ZFP62: variants seen among roughly 807,000 people sequenced by gnomAD.
The protein encoded by ZFP62 is ZFP62 zinc finger protein.
ZFP62 carries 44 observed loss-of-function variants against 56.4 expected under a neutral mutation model. That is an observed-to-expected ratio of 0.78 (90% CI 0.61 to 1.00). ZFP62 has a LOEUF of 1.00. Among genes scored for constraint, ZFP62 ranks in the 50% least tolerant of loss-of-function variants. The pLI is 0.00. For missense variants in ZFP62, 1,030 were observed against 1,085.7 expected, an observed-to-expected ratio of 0.95 and a Z score of 0.72; for synonymous variants, 421 against 388.9, an observed-to-expected ratio of 1.08 and a Z score of -0.97.
Position 180,848,941 on chromosome 5 carries a change from T to C in ZFP62, c.2554A>G (p.Arg852Gly), listed in dbSNP as rs1773523517. Residue 852 changes from arginine to glycine, a missense_variant, in exon 2 of 2, where the codon AGA becomes GGA. Physicochemically the swap from Arg to Gly is moderately radical, Grantham distance 125. Transcript: ENST00000502412. ...CNECGKAFNI[R>G]SNLTKHKRTH... is the part of the protein sequence containing the mutation. Reference sequence around the variant, plus strand: ...CTTTTATGCTTGGTGAGATTTGATCTGATATTAAAAGCCTTACCACACTCA... The same window carrying C: ...CTTTTATGCTTGGTGAGATTTGATCCGATATTAAAAGCCTTACCACACTCA... 3 of 1,551,686 alleles carry C rather than the reference T, an allele frequency of 1.9e-6. No individual in the cohort carries two copies. The highest frequency in any genetic ancestry group is 1.7e-6 in the Non-Finnish European group (2 of 1,147,008).
downstream of ZFP62, chr5:180,847,481 A>G (rs1302626975): frequency 1.6e-6 from 1 of 618,284 alleles, no homozygotes. Flanking sequence ...CTTCTGGTGA[A>G]ACCAGCTGAG....
intron 1 of ZFP62, among the ~76,000 whole-genome samples, chr5:180,860,892 G>C (rs182302357): frequency 6.6e-6 from 1 of 152,278 alleles, no homozygotes; most frequent in Admixed American, 6.5e-5. Context: ...GGGATGAATA[G>C]TTGAGGAACA....
chr5:180,852,211 G>A (rs747609682), intron 1 of ZFP62, among the ~76,000 whole-genome samples: 10 of 152,148 alleles, frequency 6.6e-5, no homozygotes, highest in Non-Finnish European at 1.5e-4. Flanking sequence ...AATTACCAGA[G>A]AAAAGATGGT....
chr5:180,855,360 G>A (rs546522096), intron 1 of ZFP62, among the ~76,000 whole-genome samples: 2 of 152,238 alleles, frequency 1.3e-5, no homozygotes, highest in African/African-American at 4.8e-5. Context: ...ACTGCCTGTT[G>A]TATCTGGAAA....
At position 180,849,038 on chromosome 5, in the gene ZFP62, T is replaced by C. The variant is rs1373425343; in HGVS notation, c.2457A>G (p.Lys819=). 4.4e-5 allele frequency: 69 copies of C among 1,552,118 alleles called. No individual in the cohort carries two copies. In the East Asian group the frequency reaches 1.6e-3, roughly 36 times the overall value. The part of the protein sequence containing the change: ...GKQPYNCECG[K]SFNYRSVLDQ... ...CAAGGACTGATCTATAATTGAAGGA[T>C]TTCCCACACTCACAATTATAGGGCT... The change falls in exon 2 of 2, where the codon AAA becomes AAG. Residue 819 remains lysine (K), a synonymous_variant. Transcript: ENST00000502412.
intron 1 of ZFP62, among the ~76,000 whole-genome samples, chr5:180,853,731 G>A (rs1398668014): frequency 6.6e-6 from 1 of 152,170 alleles, no homozygotes; most frequent in Non-Finnish European, 1.5e-5. Flanking sequence ...AGCTGGAGGC[G>A]GGGCAGTGGG....
At chr5:180,846,836 T>A (rs17141203), downstream of ZFP62, among the ~76,000 whole-genome samples, 15,929 of 152,196 alleles carry the variant, frequency 0.1, 2,099 homozygotes, top group African/African-American at 0.31. Context: ...GCCTAGTAGA[T>A]CCTCAAGTAT....
downstream of ZFP62, among the ~76,000 whole-genome samples, chr5:180,846,189 AG>A (rs774594674): frequency 9.2e-5 from 14 of 152,258 alleles, no homozygotes; most frequent in East Asian, 2.5e-3. Context: ...ATCTGGCTGT[AG>A]GTACACTTGA....
At chr5:180,856,326 T>C (rs888591621) in intron 1 of ZFP62, among the ~76,000 whole-genome samples, 3 of 152,210 alleles carry the variant, frequency 2.0e-5, no homozygotes, top group Non-Finnish European at 2.9e-5. Context: ...ATGAAATCTA[T>C]GTTAATCAAT....
Position 180,851,081 on chromosome 5 carries a change from C to T in ZFP62, c.414G>A (p.Lys138=). 6.4e-6 allele frequency: 10 copies of T among 1,551,722 alleles called. No homozygotes were observed. Among genetic ancestry groups the T allele is most frequent in the Non-Finnish European group, 8.7e-6 (10 of 1,147,002 alleles). ...PSLQQKTNAV[K]KLHKCDECGK... Reference sequence around the variant, plus strand: ...CACATTCATCACATTTATGTAATTTCTTAACAGCATTGGTTTTCTGCTGTA... The same window carrying T: ...CACATTCATCACATTTATGTAATTTTTTAACAGCATTGGTTTTCTGCTGTA... The change falls in exon 2 of 2, where the codon AAG becomes AAA. Residue 138 remains lysine (K), a synonymous_variant. Transcript: ENST00000502412.
the ZFP62 span, among the ~76,000 whole-genome samples, chr5:180,838,258 G>T: frequency 6.6e-6 from 1 of 152,110 alleles, no homozygotes; most frequent in African/African-American, 2.4e-5. Flanking sequence ...TGGTGGTGGA[G>T]CATGGCCTGG....
intron 1 of ZFP62, chr5:180,852,026 A>G: frequency 5.1e-6 from 5 of 986,776 alleles, no homozygotes; most frequent in Non-Finnish European, 6.0e-6. Context: ...TGAAACCATG[A>G]AGACAGTTAC....
chr5:180,829,469 G>A, the ZFP62 span, among the ~76,000 whole-genome samples: 1 of 152,174 alleles, frequency 6.6e-6, no homozygotes, highest in Non-Finnish European at 1.5e-5. Flanking sequence ...ACCAATATGT[G>A]ATGTCACCCC....
rs776454755 is a variant in ZFP62 at position 180,851,289 on chromosome 5, C to T, written c.206G>A (p.Arg69Lys). 1.1e-5 allele frequency: 17 copies of T among 1,551,660 alleles called. No homozygotes were observed. The South Asian group carries it at 2.0e-4, about 18-fold the overall frequency. Residue 69 changes from arginine to lysine, a missense_variant, in exon 2 of 2, where the codon AGG (arginine) becomes AAG (lysine). Coordinates refer to ENST00000502412, the MANE Select transcript of ZFP62 (RefSeq NM_001172638.2). ...NRMKEDKSSI[R>K]EAISKAKSTA... ...ACTCTTGGCTTTGCTGATTGCTTCCCTGATGCTGCTTTTGTCCTCCTTCAT... is the reference window on the plus strand; with the variant it reads ...ACTCTTGGCTTTGCTGATTGCTTCCTTGATGCTGCTTTTGTCCTCCTTCAT...
At position 180,847,683 on chromosome 5, in the gene ZFP62, A is replaced by G. The variant is rs1773457285; in HGVS notation, c.*1109T>C. On this transcript the variant is annotated 3_prime_UTR_variant, in exon 2 of 2. Coordinates refer to ENST00000502412, the MANE Select transcript of ZFP62 (RefSeq NM_001172638.2). ...CAAGGAGCTGGCTTTCATGACAAAG[A>G]GAGAGTGAGCCCTGAACAAAGTATT... is the stretch of plus-strand genomic sequence containing the variant. 1.0e-6 allele frequency: 1 copy of G among 985,354 alleles called. No individual in the cohort carries two copies. Among genetic ancestry groups the G allele is most frequent in the Non-Finnish European group, 1.2e-6 (1 of 829,922 alleles). 61.0% of individuals were successfully genotyped at this position (985,354 alleles called of 1,614,324 possible). A position where few individuals can be genotyped will look rare whatever the true frequency, so the allele number is the denominator to read the frequency against.
chr5:180,841,320 C>CATAT, the ZFP62 span, among the ~76,000 whole-genome samples: 950 of 149,960 alleles, frequency 6.3e-3, 12 homozygotes, highest in African/African-American at 0.019. Context: ...TACATACACA[C>CATAT]ATATATATAT....
chr5:180,849,868 T>A lies in ZFP62; in HGVS notation c.1627A>T (p.Arg543Ter). ...TGTACTTTAAGGCCAGAATTATTTC[T>A]GAAAGCTTTACCACACTCATCACAC... ...FGCDECGKAF[R>*]NNSGLKVHKR... Residue 543 changes from arginine to a stop codon, truncating the protein, a stop_gained, in exon 2 of 2, where the codon AGA becomes TGA. Transcript: ENST00000502412. LOFTEE classifies it high-confidence loss of function. The A allele has an allele frequency of 6.4e-7, 1 of 1,551,804 alleles. No homozygotes were observed. The highest frequency in any genetic ancestry group is 8.7e-7 in the Non-Finnish European group (1 of 1,147,022).
chr5:180,853,102 C>A (rs1456084071), intron 1 of ZFP62, among the ~76,000 whole-genome samples: 2 of 152,134 alleles, frequency 1.3e-5, no homozygotes, highest in African/African-American at 4.8e-5. Flanking sequence ...ACACCTCCAA[C>A]AATATAAAAA....
chr5:180,839,225 C>A, the ZFP62 span, among the ~76,000 whole-genome samples: 1 of 152,290 alleles, frequency 6.6e-6, no homozygotes, highest in Admixed American at 6.5e-5. Flanking sequence ...CATATAAAGG[C>A]CTGGTATAGA....
Sources: gnomAD v4.1 joint callset for allele counts (sites outside exome capture counted in the v4.1 genomes callset) on GRCh38, gnomAD v4.1.1 for gene constraint, MANE v1.5 for transcripts, NCBI Gene and HGNC (gene_info 2026-07-23, HGNC 2026-07-21) for gene names.